Variants in VIRMA observed in about 807,000 individuals in gnomAD.
VIRMA encodes protein virilizer homolog.
A neutral mutation model predicts 182.4 loss-of-function variants in VIRMA; 65 were observed. The ratio of observed to expected loss-of-function variants is 0.36; its 90% confidence interval spans 0.29 to 0.44. The LOEUF is 0.44. Ranked by LOEUF, VIRMA falls within the 20% of genes least tolerant of loss-of-function variation. The pLI, the probability that VIRMA is intolerant of heterozygous loss-of-function variation, is 1.00. For missense variants in VIRMA, 1,752 were observed against 2,158.1 expected (o/e 0.81, Z 3.73); for synonymous variants, 709 against 743.1 (o/e 0.95, Z 0.75).
Position 94,526,837 on chromosome 8 carries a change from A to G in VIRMA, c.1407T>C (p.Cys469=). The G allele has an allele frequency of 6.2e-7, 1 of 1,614,186 alleles. No homozygotes were observed. The highest frequency in any genetic ancestry group is 8.5e-7 in the Non-Finnish European group (1 of 1,180,034). The change falls in exon 8 of 24, where the codon TGT becomes TGC. Residue 469 remains cysteine, a synonymous_variant. Coordinates refer to ENST00000297591, the MANE Select transcript of VIRMA (RefSeq NM_015496.5). The part of the protein sequence containing the change: ...GTKLVSSLAE[C]GAQGVTGLLQ... Reference sequence around the variant, plus strand: ...GCAGTCCTGTAACTCCTTGAGCCCCACATTCTGCTAGTGAGGACACTAATT... The same window carrying G: ...GCAGTCCTGTAACTCCTTGAGCCCCGCATTCTGCTAGTGAGGACACTAATT...
intron 2 of VIRMA, among the ~76,000 whole-genome samples, chr8:94,539,350 T>C (rs956143634): frequency 6.6e-6 from 1 of 152,174 alleles, no homozygotes; most frequent in Non-Finnish European, 1.5e-5. Context: ...ACAGCAGCAA[T>C]TTACAAAAAT....
chr8:94,538,234 G>C, intron 3 of VIRMA, 26 bp downstream of exon 3: 1 of 1,463,776 alleles, frequency 6.8e-7, no homozygotes. Flanking sequence ...ATGAGTTTCT[G>C]GTGAAATTAC....
At position 94,513,047 on chromosome 8, in the gene VIRMA, A is replaced by T. The variant is rs150467474; in HGVS notation, c.2752-958T>A. Among the ~76,000 whole-genome samples, 469 of 152,296 alleles carry T rather than the reference A, an allele frequency of 3.1e-3. 4 individuals carry two copies. The highest frequency in any genetic ancestry group is 0.011 in the African/African-American group (447 of 41,590). ...ACAGAACAGCATTATCAATTGTTTA[A>T]AAACTTGGGGCTGGGTGTGGTGGCT... On this transcript the variant is annotated intron_variant, in intron 11 of 23. Transcript: ENST00000297591.
At chr8:94,504,470 G>C (rs1339776640) in intron 16 of VIRMA, among the ~76,000 whole-genome samples, 1 of 152,070 alleles carries the variant, frequency 6.6e-6, no homozygotes, top group African/African-American at 2.4e-5. Context: ...TTTGTTCAAG[G>C]GTTTTTAATA....
At chr8:94,512,201 A>G (rs1814404672) in intron 11 of VIRMA, 112 bp from the exon 12 acceptor site, 1 of 380,564 alleles carries the variant, frequency 2.6e-6, no homozygotes, top group Admixed American at 4.6e-5. Context: ...AAGAACATAC[A>G]ATATTTTATA....
intron 1 of VIRMA, among the ~76,000 whole-genome samples, chr8:94,544,651 C>A (rs1340291252): frequency 2.3e-4 from 25 of 110,976 alleles, no homozygotes; most frequent in African/African-American, 8.9e-4. Flanking sequence ...ACAGAGCGAG[C>A]GACTCTGTCT....
chr8:94,522,828 C>A (rs868508439), intron 8 of VIRMA, among the ~76,000 whole-genome samples: 4 of 152,152 alleles, frequency 2.6e-5, no homozygotes, highest in Non-Finnish European at 4.4e-5. Context: ...ATACATCTTG[C>A]AACACAAAAT....
chr8:94,531,190 G>T, intron 5 of VIRMA, 105 bp from the exon 6 acceptor site: 6 of 1,220,248 alleles, frequency 4.9e-6, no homozygotes, highest in Non-Finnish European at 6.5e-6. Flanking sequence ...TTTTTTTAAA[G>T]CAAAGAGAGA....
chr8:94,508,033 A>G (rs183360741), intron 15 of VIRMA, among the ~76,000 whole-genome samples: 1 of 151,736 alleles, frequency 6.6e-6, no homozygotes, highest in African/African-American at 2.4e-5. Flanking sequence ...AAGTTTTCCA[A>G]TGCTAAGCAA....
chr8:94,508,973 A>G (rs1347305505), intron 15 of VIRMA, among the ~76,000 whole-genome samples: 2 of 152,242 alleles, frequency 1.3e-5, no homozygotes, highest in Non-Finnish European at 2.9e-5. Context: ...TAATACAGAC[A>G]ACAGGAAAAA....
intron 17 of VIRMA, chr8:94,499,099 T>TAAAAC (rs1183687696): frequency 5.2e-6 from 1 of 192,708 alleles, no homozygotes; most frequent in African/African-American, 2.3e-5. Flanking sequence ...TAAAATAAAA[T>TAAAAC]AAAATGAACT....
intron 11 of VIRMA, among the ~76,000 whole-genome samples, chr8:94,514,013 AAAC>A (rs1463926719): frequency 7.2e-5 from 11 of 152,220 alleles, no homozygotes; most frequent in Admixed American, 2.6e-4. Context: ...GCAACAAATT[AAAC>A]AATATACAAA....
At chr8:94,538,383 A>G (rs1386592777) in intron 2 of VIRMA, 37 bp from the exon 3 acceptor site, 10 of 1,235,938 alleles carry the variant, frequency 8.1e-6, no homozygotes, top group Non-Finnish European at 1.2e-5. Flanking sequence ...CAGCCTTTGT[A>G]ACAAACACTT....
In VIRMA at chr8:94,510,464, A is replaced by G; in HGVS notation, c.3579T>C (p.Leu1193=). ...QLCDLASPTA[L]LIMRTVLDLI... ...AATCCAACACAGTTCTCATAATCAG[A>G]AGTGCAGTTGGTGAGGCAAGGTCAC... The change falls in exon 14 of 24, where the codon CTT becomes CTC. Residue 1193 remains leucine, a synonymous_variant. Coordinates refer to ENST00000297591, the MANE Select transcript of VIRMA (RefSeq NM_015496.5). 1.2e-6 allele frequency: 2 copies of G among 1,614,126 alleles called. No individual in the cohort carries two copies. The highest frequency in any genetic ancestry group is 1.7e-6 in the Non-Finnish European group (2 of 1,179,974).
Position 94,526,375 on chromosome 8 carries a change from T to C in VIRMA, c.1869A>G (p.Glu623=), listed in dbSNP as rs1434316449. Residue 623 remains glutamate, a synonymous_variant, in exon 8 of 24, where the codon GAA becomes GAG. Transcript: ENST00000297591. ...LLESSNISEG[E]IERLINLLEE... Reference sequence around the variant, plus strand: ...CTAGGAGGTTAATAAGCCTTTCTATTTCCCCTTCACTTATATTTGAGGATT... The same window carrying C: ...CTAGGAGGTTAATAAGCCTTTCTATCTCCCCTTCACTTATATTTGAGGATT... The C allele has an allele frequency of 2.5e-6, 4 of 1,614,170 alleles. No homozygotes were observed. The highest frequency in any genetic ancestry group is 3.4e-6 in the Non-Finnish European group (4 of 1,180,008).
Position 94,488,524 on chromosome 8 carries a change from T to C in VIRMA, c.*182A>G. 1 of 516,642 alleles carries C rather than the reference T, an allele frequency of 1.9e-6. No individual in the cohort carries two copies. The allele number at this position is 516,642 out of a possible 1,614,324, so 32.0% of individuals were successfully genotyped here. A position where few individuals can be genotyped will look rare whatever the true frequency, so the allele number is the denominator to read the frequency against. ...AAGGGAAAATATATACAAACGTACA[T>C]ACAAAGTTTGGATTTTTATTGAAAT... On this transcript the variant is annotated 3_prime_UTR_variant, in exon 24 of 24. Transcript: ENST00000297591.
At chr8:94,547,474 T>C (rs1563484129) in intron 1 of VIRMA, among the ~76,000 whole-genome samples, 1 of 150,974 alleles carries the variant, frequency 6.6e-6, no homozygotes, top group Non-Finnish European at 1.5e-5. Flanking sequence ...TGCAATTATC[T>C]TCTCTTTCTA....
chr8:94,521,812 C>G (rs1814780729), intron 8 of VIRMA, among the ~76,000 whole-genome samples: 1 of 152,158 alleles, frequency 6.6e-6, no homozygotes, highest in African/African-American at 2.4e-5. Flanking sequence ...CAAAGGCAAA[C>G]AGAACCTTCA....
intron 22 of VIRMA, 136 bp downstream of exon 22, chr8:94,491,439 GTAC>G: frequency 9.5e-6 from 7 of 736,162 alleles, no homozygotes; most frequent in Non-Finnish European, 1.6e-5. Context: ...TCTGCAAACA[GTAC>G]CACTAGTCCA....
Sources: allele counts gnomAD v4.1 joint callset (sites outside exome capture counted in the v4.1 genomes callset), GRCh38; gene constraint gnomAD v4.1.1; transcripts MANE v1.5; gene names NCBI Gene and HGNC (gene_info 2026-07-23, HGNC 2026-07-21).